The following PDE1A variants were observed in gnomAD, a reference collection of about 807,000 sequenced individuals.
PDE1A encodes the protein phosphodiesterase 1A.
A neutral mutation model predicts 61.7 loss-of-function variants in PDE1A; 35 were observed. That is an observed-to-expected ratio of 0.57 (90% CI 0.43 to 0.75). The LOEUF (loss-of-function observed/expected upper bound fraction) is 0.75, where lower values mean the gene tolerates loss of function less well. Ranked by LOEUF, PDE1A falls within the 30% of genes least tolerant of loss-of-function variation. The pLI, the probability that PDE1A is intolerant of heterozygous loss-of-function variation, is 0.00. For synonymous variants in PDE1A, 232 were observed against 213.2 expected (o/e 1.09, Z -0.77); for missense variants, 597 against 630.6 (o/e 0.95, Z 0.57).
At chr2:182,516,743 A>AGGAAGGAAGGAGGGAG (rs57365248) in intron 2 of PDE1A, among the ~76,000 whole-genome samples, 1 of 121,704 alleles carries the variant, frequency 8.2e-6, no homozygotes, top group Non-Finnish European at 1.8e-5. Flanking sequence ...GAAGGAAGGA[A>AGGAAGGAAGGAGGGAG]AAAGAGAGAA....
At chr2:182,694,053 AAG>A in the PDE1A span, among the ~76,000 whole-genome samples, 1 of 152,206 alleles carries the variant, frequency 6.6e-6, no homozygotes, top group Non-Finnish European at 1.5e-5. Flanking sequence ...CTAAATATCT[AAG>A]AGACCATTGC....
At chr2:182,505,585 T>C (rs1221104221) in intron 2 of PDE1A, among the ~76,000 whole-genome samples, 2 of 152,180 alleles carry the variant, frequency 1.3e-5, no homozygotes, top group African/African-American at 4.8e-5. Flanking sequence ...AACTGTTTGG[T>C]TTAGAGGGGC....
At chr2:182,502,572 T>C (rs1689148592) in intron 2 of PDE1A, among the ~76,000 whole-genome samples, 1 of 152,320 alleles carries the variant, frequency 6.6e-6, no homozygotes, top group African/African-American at 2.4e-5. Context: ...TATGTATGTA[T>C]TTGTTAAGGC....
At chr2:182,443,842 T>C (rs966981788) in intron 2 of PDE1A, among the ~76,000 whole-genome samples, 1 of 151,856 alleles carries the variant, frequency 6.6e-6, no homozygotes, top group Non-Finnish European at 1.5e-5. Context: ...TAGCTGGGAT[T>C]ACAGGCATGC....
At chr2:182,566,441 G>T in the PDE1A span, among the ~76,000 whole-genome samples, 1 of 151,652 alleles carries the variant, frequency 6.6e-6, no homozygotes, top group Non-Finnish European at 1.5e-5. Context: ...TGGAGGGAAA[G>T]ATTTCAGCAA....
intron 1 of PDE1A, among the ~76,000 whole-genome samples, chr2:182,381,704 C>A (rs905267302): frequency 2.0e-5 from 3 of 152,004 alleles, no homozygotes; most frequent in Non-Finnish European, 4.4e-5. Flanking sequence ...CTCAGCTACT[C>A]AGGAGGCTGA....
At chr2:182,190,275 A>G (rs1043135538) in intron 10 of PDE1A, among the ~76,000 whole-genome samples, 3 of 152,238 alleles carry the variant, frequency 2.0e-5, no homozygotes, top group Admixed American at 6.5e-5. Flanking sequence ...CAGAGAAAAC[A>G]AGGAATAAGA....
chr2:182,227,519 G>C (rs889607708), intron 6 of PDE1A, among the ~76,000 whole-genome samples: 1 of 152,034 alleles, frequency 6.6e-6, no homozygotes, highest in Admixed American at 6.6e-5. Flanking sequence ...GAAGTTTGCT[G>C]TAAGTTACCA....
the PDE1A span, among the ~76,000 whole-genome samples, chr2:182,577,281 C>T: frequency 2.6e-5 from 4 of 152,134 alleles, no homozygotes; most frequent in African/African-American, 9.7e-5. Flanking sequence ...ATAAGCCATG[C>T]TGCAGTACTA....
chr2:182,281,592 G>C (rs1693810175), intron 1 of PDE1A, among the ~76,000 whole-genome samples: 1 of 151,902 alleles, frequency 6.6e-6, no homozygotes, highest in Admixed American at 6.6e-5. Flanking sequence ...AAAAATAACT[G>C]TGCATACTCT....
At chr2:182,476,004 T>C (rs911431827) in intron 2 of PDE1A, among the ~76,000 whole-genome samples, 1 of 151,950 alleles carries the variant, frequency 6.6e-6, no homozygotes, top group Non-Finnish European at 1.5e-5. Context: ...AACAAATGTT[T>C]AAATTTTTTC....
At chr2:182,392,075 C>T (rs1458141039) in intron 1 of PDE1A, among the ~76,000 whole-genome samples, 1 of 152,108 alleles carries the variant, frequency 6.6e-6, no homozygotes, top group Non-Finnish European at 1.5e-5. Flanking sequence ...CCCATCCTTC[C>T]CCAGGGAGAC....
At chr2:182,320,294 A>G (rs1696618580) in intron 1 of PDE1A, among the ~76,000 whole-genome samples, 2 of 152,156 alleles carry the variant, frequency 1.3e-5, no homozygotes. Flanking sequence ...TTACCAGAGC[A>G]TGAGCATACT....
chr2:182,241,223 C>T (rs1690482031), intron 2 of PDE1A, among the ~76,000 whole-genome samples: 1 of 152,224 alleles, frequency 6.6e-6, no homozygotes, highest in South Asian at 2.1e-4. Context: ...AATACAGAAA[C>T]AGCTTACAGA....
chr2:182,177,251 G>A (rs943300810), intron 13 of PDE1A, among the ~76,000 whole-genome samples: 91 of 152,166 alleles, frequency 6.0e-4, no homozygotes, highest in Admixed American at 1.0e-3. Context: ...GAATAGTTTC[G>A]GAAGGAATGG....
At chr2:182,329,488 C>T (rs1284283055) in intron 1 of PDE1A, among the ~76,000 whole-genome samples, 1 of 152,116 alleles carries the variant, frequency 6.6e-6, no homozygotes, top group Non-Finnish European at 1.5e-5. Context: ...CTCCCAGGCT[C>T]AAGCGATTCT....
the PDE1A span, among the ~76,000 whole-genome samples, chr2:182,589,044 AAATAATAATAATAAT>A: frequency 0.34 from 46,806 of 138,038 alleles, 8,529 homozygotes; most frequent in African/African-American, 0.48. Context: ...CTCTGTCTCA[AAATAATAATAATAAT>A]AATAATAATA....
chr2:182,346,232 A>G (rs1225374442), intron 1 of PDE1A, among the ~76,000 whole-genome samples: 1 of 152,222 alleles, frequency 6.6e-6, no homozygotes, highest in African/African-American at 2.4e-5. Flanking sequence ...AAATAAATAA[A>G]TAACAAAAAA....
At chr2:182,310,559 G>A (rs1695897460) in intron 1 of PDE1A, among the ~76,000 whole-genome samples, 1 of 151,992 alleles carries the variant, frequency 6.6e-6, no homozygotes, top group Non-Finnish European at 1.5e-5. Context: ...GTATATCTTT[G>A]AGTGGTAGGC....
Sources: gnomAD v4.1 joint callset for allele counts (sites outside exome capture counted in the v4.1 genomes callset) on GRCh38, gnomAD v4.1.1 for gene constraint, MANE v1.5 for transcripts, NCBI Gene and HGNC (gene_info 2026-07-23, HGNC 2026-07-21) for gene names.